The following PIEZO2 variants were observed in gnomAD, a reference collection of about 807,000 sequenced individuals.
The protein encoded by PIEZO2 is piezo type mechanosensitive ion channel component 2.
A neutral mutation model predicts 337.3 loss-of-function variants in PIEZO2; 172 were observed. That is an observed-to-expected ratio of 0.51 (90% confidence interval 0.45 to 0.58). The LOEUF is 0.58. Ranked by LOEUF, PIEZO2 falls within the 20% of genes least tolerant of loss-of-function variation. The probability of loss-of-function intolerance (pLI) is 0.00; values close to 1 mark genes in which losing one functional copy is unlikely to be tolerated. For missense variants in PIEZO2, 3,028 were observed against 3,391.3 expected (o/e 0.89, Z 2.66); for synonymous variants, 1,251 against 1,228.5 (o/e 1.02, Z -0.38).
In PIEZO2 at chr18:10,795,490, G is replaced by C. The variant is rs575539637; in HGVS notation, c.1528-488C>G. Among the ~76,000 whole-genome samples, 1 of 152,024 alleles carries C rather than the reference G, an allele frequency of 6.6e-6. No homozygotes were observed. Among genetic ancestry groups the C allele is most frequent in the East Asian group, 1.9e-4 (1 of 5,170 alleles). The stretch of plus-strand genomic sequence containing the variant: ...AAAATGGTATACTCCTGTGAGCTCA[G>C]AATGAGAGATTTGCTGCAGTTTAAA... On this transcript the variant is annotated intron_variant, in intron 12 of 55. Transcript: ENST00000674853. This position sits in a 1 kb window ranked among gnomAD's most constrained non-coding sequence, Gnocchi z 4.4.
Position 10,856,894 on chromosome 18 carries a change from G to A in PIEZO2, c.703+107C>T. Reference sequence around the variant, plus strand: ...CAAGAGCTACAGTTATGATATTCATGTGGTGGAACAGACTGTTTCCTTCAT... The same window carrying A: ...CAAGAGCTACAGTTATGATATTCATATGGTGGAACAGACTGTTTCCTTCAT... On this transcript the variant is annotated intron_variant, in intron 6 of 55. Coordinates refer to ENST00000674853, the MANE Select transcript of PIEZO2 (RefSeq NM_001378183.1). This position sits in a 1 kb window ranked among gnomAD's most constrained non-coding sequence, Gnocchi z 4.7. 1 of 1,005,680 alleles carries A rather than the reference G, an allele frequency of 9.9e-7. No individual in the cohort carries two copies. Among genetic ancestry groups the A allele is most frequent in the Non-Finnish European group, 1.5e-6 (1 of 683,446 alleles). The allele number at this position is 1,005,680 out of a possible 1,614,324, so 62.3% of individuals were successfully genotyped here. A position where few individuals can be genotyped will look rare whatever the true frequency, so the allele number is the denominator to read the frequency against.
chr18:11,037,454 T>C (rs12605614), intron 2 of PIEZO2, among the ~76,000 whole-genome samples: 35,935 of 152,144 alleles, frequency 0.24, 5,172 homozygotes, highest in Non-Finnish European at 0.33. Flanking sequence ...TGAAATAAAT[T>C]GGAAGAAAAA....
rs2040824834 is a variant in PIEZO2 at position 11,146,881 on chromosome 18, G to A, written c.64+1644C>T. ...CAGGAACAGTGGCGAGGAGGACGGTGGATAGAGGGACTGGGAGGGAGCAGA... is the reference window on the plus strand; with the variant it reads ...CAGGAACAGTGGCGAGGAGGACGGTAGATAGAGGGACTGGGAGGGAGCAGA... On this transcript the variant is annotated intron_variant, in intron 1 of 55. Transcript: ENST00000674853. This position sits in a 1 kb window ranked among gnomAD's most constrained non-coding sequence, Gnocchi z 6.1. Among the ~76,000 whole-genome samples, 2 of 152,166 alleles carry A rather than the reference G, an allele frequency of 1.3e-5. No individual in the cohort carries two copies. The highest frequency in any genetic ancestry group is 4.1e-4 in the South Asian group (2 of 4,830).
intron 4 of PIEZO2, among the ~76,000 whole-genome samples, chr18:10,884,309 CA>C (rs748329512): frequency 6.6e-6 from 1 of 152,162 alleles, no homozygotes; most frequent in Non-Finnish European, 1.5e-5. Flanking sequence ...TTGATGGACA[CA>C]GGTTGATTTC....
intron 4 of PIEZO2, among the ~76,000 whole-genome samples, chr18:10,886,327 T>TATATATATATATATATATATATATATAC (rs1555669468): frequency 3.7e-5 from 1 of 26,762 alleles, no homozygotes; most frequent in Non-Finnish European, 5.4e-5. Context: ...TACATACATA[T>TATATATATATATATATATATATATATAC]ATATATATAT....
intron 11 of PIEZO2, among the ~76,000 whole-genome samples, chr18:10,799,525 C>A (rs1598496973): frequency 7.3e-6 from 1 of 136,836 alleles, no homozygotes; most frequent in East Asian, 2.0e-4. Flanking sequence ...AAAATCAAAT[C>A]TGAGAGTGAA....
chr18:11,041,418 G>C (rs573679530), intron 2 of PIEZO2, among the ~76,000 whole-genome samples: 1 of 152,264 alleles, frequency 6.6e-6, no homozygotes, highest in East Asian at 1.9e-4. Flanking sequence ...GGCCTTGGAA[G>C]TTCAGCCTCG....
chr18:10,810,219 A>G (rs2040146089), intron 7 of PIEZO2, among the ~76,000 whole-genome samples: 1 of 152,144 alleles, frequency 6.6e-6, no homozygotes, highest in African/African-American at 2.4e-5. Flanking sequence ...TATGTTAAAT[A>G]CTTAAGAACT....
intron 7 of PIEZO2, among the ~76,000 whole-genome samples, chr18:10,809,166 A>G (rs1016836291): frequency 6.6e-6 from 1 of 152,008 alleles, no homozygotes; most frequent in Non-Finnish European, 1.5e-5. Context: ...AATGAGCAGA[A>G]GCTAACCAGT....
intron 3 of PIEZO2, among the ~76,000 whole-genome samples, chr18:10,935,081 T>C (rs543808122): frequency 1.3e-5 from 2 of 152,290 alleles, no homozygotes; most frequent in African/African-American, 4.8e-5. Flanking sequence ...TCAGACTGTT[T>C]CTGTTTTCGT....
intron 41 of PIEZO2, 140 bp from the exon 42 acceptor site, chr18:10,704,792 C>T (rs1270495971): frequency 1.9e-6 from 2 of 1,035,210 alleles, no homozygotes; most frequent in Non-Finnish European, 2.7e-6. Context: ...TCAAGCCATT[C>T]TCCTGCTTCA....
intron 2 of PIEZO2, among the ~76,000 whole-genome samples, chr18:11,029,065 A>G (rs1396149982): frequency 6.6e-6 from 1 of 152,230 alleles, no homozygotes; most frequent in Non-Finnish European, 1.5e-5. Flanking sequence ...CAAAAAATTA[A>G]TTGGGAATTA....
In PIEZO2 at chr18:10,855,249, G is replaced by T; in HGVS notation, c.917+104C>A. 1 of 1,011,188 alleles carries T rather than the reference G, an allele frequency of 9.9e-7. No individual in the cohort carries two copies. Among genetic ancestry groups the T allele is most frequent in the Non-Finnish European group, 1.4e-6 (1 of 689,796 alleles). The allele number at this position is 1,011,188 out of a possible 1,614,324, so 62.6% of individuals were successfully genotyped here. ...AAAATCTTTGCTTAACACAGCAATT[G>T]CCTGCCATCAAGAATAACCCCTGTA... On this transcript the variant is annotated intron_variant, in intron 7 of 55. Transcript: ENST00000674853. The surrounding 1 kb of genome is among the most constrained non-coding windows in gnomAD (Gnocchi z 4.9).
At position 10,718,013 on chromosome 18, in the gene PIEZO2, G is replaced by A. The variant is rs552112344; in HGVS notation, c.5089+187C>T. Among the ~76,000 whole-genome samples the A allele has an allele frequency of 1.2e-4, 18 of 152,242 alleles. 1 individual carries two copies. The South Asian group carries it at 2.1e-3, about 18-fold the overall frequency. On this transcript the variant is annotated intron_variant, in intron 37 of 55. Coordinates refer to ENST00000674853, the MANE Select transcript of PIEZO2 (RefSeq NM_001378183.1). ...ATTTTATCCAACTGCATAAAGTCCA[G>A]ACCTACTTTTAAGAGTCATTTTGCA...
intron 2 of PIEZO2, among the ~76,000 whole-genome samples, chr18:11,005,642 G>C (rs2035692696): frequency 6.6e-6 from 1 of 152,226 alleles, no homozygotes; most frequent in African/African-American, 2.4e-5. Flanking sequence ...TGCATTCCCA[G>C]TGGCGTGAGA....
intron 1 of PIEZO2, among the ~76,000 whole-genome samples, chr18:11,113,954 A>G (rs1212663165): frequency 1.3e-5 from 2 of 152,252 alleles, no homozygotes; most frequent in African/African-American, 4.8e-5. Context: ...TGAAATATTC[A>G]TGTAATTTCA....
chr18:10,833,586 T>C lies in PIEZO2; in HGVS notation c.917+21767A>G, dbSNP rs9676182. On this transcript the variant is annotated intron_variant, in intron 7 of 55. Transcript: ENST00000674853. The surrounding 1 kb of genome is among the most constrained non-coding windows in gnomAD (Gnocchi z 4.7). ...GAGATTGTACAGCCCAAACTGCACC[T>C]GAACCACGCAAGCTGTGAGGACCTC... Among the ~76,000 whole-genome samples the C allele has an allele frequency of 0.026, 3,990 of 152,270 alleles. 181 individuals carry two copies. The highest frequency in any genetic ancestry group is 0.089 in the African/African-American group (3,702 of 41,544).
At position 10,773,514 on chromosome 18, in the gene PIEZO2, A is replaced by T. The variant is rs1034085783; in HGVS notation, c.2683T>A (p.Tyr895Asn). Residue 895 changes from tyrosine (Y) to asparagine (N), a missense_variant, in exon 20 of 56, where the codon TAC (tyrosine) becomes AAC (asparagine). This residue lies in a region of PIEZO2 where 1,925 missense variants were observed against 2,051.9 expected (regional missense o/e 0.94). Transcript: ENST00000674853. The surrounding 1 kb of genome is among the most constrained non-coding windows in gnomAD (Gnocchi z 5.3). ...TCACCCTTCTGGGCTTTTTCAGAGTAGCCCTCAAGCTTCTCCTCCCCAGGC... is the reference window on the plus strand; with the variant it reads ...TCACCCTTCTGGGCTTTTTCAGAGTTGCCCTCAAGCTTCTCCTCCCCAGGC... ...AEPGEEKLEG[Y>N]SEKAQKGDLG... The T allele has an allele frequency of 5.9e-6, 9 of 1,537,222 alleles. No individual in the cohort carries two copies. The African/African-American group carries it at 9.6e-5, about 16-fold the overall frequency.
intron 2 of PIEZO2, among the ~76,000 whole-genome samples, chr18:11,056,730 C>A (rs2145875710): frequency 6.6e-6 from 1 of 151,964 alleles, no homozygotes; most frequent in South Asian, 2.1e-4. Context: ...GGAGAAGGTC[C>A]AGAAATGGCT....
Sources: allele counts gnomAD v4.1 joint callset (sites outside exome capture counted in the v4.1 genomes callset), GRCh38; gene constraint gnomAD v4.1.1; regional missense constraint gnomAD v4.1.1; non-coding constraint Gnocchi (gnomAD v3.1); transcripts MANE v1.5; gene names NCBI Gene and HGNC (gene_info 2026-07-23, HGNC 2026-07-21).